Variants in BEND4 observed in about 807,000 individuals in gnomAD.
BEND4 encodes the protein BEN domain containing 4.
In BEND4, 27 loss-of-function variants were observed where a neutral mutation model predicts 54.7. The observed-to-expected ratio is 0.49, with a 90% CI of 0.36 to 0.68. The LOEUF (loss-of-function observed/expected upper bound fraction) is 0.68, where lower values mean the gene tolerates loss of function less well. Among genes scored for constraint, BEND4 ranks in the 30% least tolerant of loss-of-function variants. The probability of loss-of-function intolerance (pLI) is 0.00; values close to 1 mark genes in which losing one functional copy is unlikely to be tolerated. For missense variants in BEND4, 702 were observed against 697.2 expected (o/e 1.01, Z -0.08); for synonymous variants, 327 against 299.5 (o/e 1.09, Z -0.95).
chr4:42,151,999 G>T lies in BEND4; in HGVS notation c.145C>A (p.Leu49Met). 8.0e-7 allele frequency: 1 copy of T among 1,255,288 alleles called. No individual in the cohort carries two copies. The highest frequency in any genetic ancestry group is 3.2e-5 in the East Asian group (1 of 31,666). 77.8% of individuals were successfully genotyped at this position (1,255,288 alleles called of 1,614,324 possible). ...KRYERPTLVE[L>M]PHVRAPPPPP... ...GGCGGGGGCGCCCGCACGTGCGGCA[G>T]CTCCACCAGGGTGGGTCGCTCGTAG... Residue 49 changes from leucine (L) to methionine (M), a missense_variant, in exon 2 of 6, where the codon CTG (leucine) becomes ATG (methionine). Leu to Met is a conservative substitution (Grantham distance 15). Transcript: ENST00000502486.
rs1459099510 is a variant in BEND4 at position 42,114,477 on chromosome 4, G to A, written c.*3041C>T. On this transcript the variant is annotated 3_prime_UTR_variant, in exon 6 of 6. Transcript: ENST00000502486. ...TTAAGTGGGGGCACAGCTGCATCCT[G>A]AGCTGTTTTAACTCAATCTATTTTA... The A allele has an allele frequency of 6.6e-6, 1 of 152,154 alleles. No individual in the cohort carries two copies. The highest frequency in any genetic ancestry group is 1.5e-5 in the Non-Finnish European group (1 of 68,034). 9.4% of individuals were successfully genotyped at this position (152,154 alleles called of 1,614,324 possible). A position where few individuals can be genotyped will look rare whatever the true frequency, so the allele number is the denominator to read the frequency against.
intron 2 of BEND4, among the ~76,000 whole-genome samples, chr4:42,148,905 C>T (rs1385261022): frequency 1.3e-5 from 2 of 152,084 alleles, no homozygotes; most frequent in Non-Finnish European, 2.9e-5. Flanking sequence ...GTGTATTACC[C>T]CTTTTAAGGA....
At chr4:42,124,463 T>C (rs1410165426) in intron 4 of BEND4, among the ~76,000 whole-genome samples, 2 of 152,084 alleles carry the variant, frequency 1.3e-5, no homozygotes, top group Admixed American at 6.6e-5. Context: ...GAAAAACTCA[T>C]GAAGGCGTCA....
At position 42,116,324 on chromosome 4, in the gene BEND4, C is replaced by T. The variant is rs780562543; in HGVS notation, c.*1194G>A. 2.6e-5 allele frequency: 4 copies of T among 152,192 alleles called. No homozygotes were observed. Among genetic ancestry groups the T allele is most frequent in the Non-Finnish European group, 5.9e-5 (4 of 68,048 alleles). 9.4% of individuals were successfully genotyped at this position (152,192 alleles called of 1,614,324 possible). A position where few individuals can be genotyped will look rare whatever the true frequency, so the allele number is the denominator to read the frequency against. On this transcript the variant is annotated 3_prime_UTR_variant, in exon 6 of 6. Coordinates refer to ENST00000502486, the MANE Select transcript of BEND4 (RefSeq NM_207406.4). ...CCCTCAGAAATGATGACTCTAGCAC[C>T]TCTATAGCATTTGCCAATATGGAAA...
chr4:42,119,860 A>C (rs1719991181), intron 5 of BEND4, 194 bp downstream of exon 5: 3 of 622,398 alleles, frequency 4.8e-6, no homozygotes, highest in African/African-American at 1.8e-5. Flanking sequence ...ACTAAGAGAG[A>C]ACAACAACGC....
intron 3 of BEND4, among the ~76,000 whole-genome samples, chr4:42,139,364 C>T (rs917873220): frequency 4.6e-4 from 70 of 152,162 alleles, no homozygotes; most frequent in African/African-American, 1.6e-3. Context: ...AGCTGATCAT[C>T]AAAAGACTGT....
In BEND4 at chr4:42,128,364, C is replaced by G. The variant is rs1166870616; in HGVS notation, c.1055-2690G>C. Among the ~76,000 whole-genome samples the G allele has an allele frequency of 2.0e-5, 3 of 152,206 alleles. No individual in the cohort carries two copies. In the East Asian group the frequency reaches 5.8e-4, roughly 29 times the overall value. On this transcript the variant is annotated intron_variant, in intron 3 of 5. Coordinates refer to ENST00000502486, the MANE Select transcript of BEND4 (RefSeq NM_207406.4). ...CTGGGCCAGGCACAGTGGCTCACGC[C>G]TGTTATCCCAGCACTCTGGGAGCCC...
intron 4 of BEND4, among the ~76,000 whole-genome samples, chr4:42,122,705 A>G (rs1271950079): frequency 2.0e-5 from 3 of 152,352 alleles, no homozygotes; most frequent in Middle Eastern, 3.4e-3. Flanking sequence ...AGCCTTAAAA[A>G]AGACTGTCTA....
rs763550853 is a variant in BEND4, at chr4:42,132,063, A to G, written c.1055-6389T>C. Reference sequence around the variant, plus strand: ...GAAAACGGAGACAGGTGCGTCTAGAAAAGTGGGAGTGAAATTTATGATCCT... The same window carrying G: ...GAAAACGGAGACAGGTGCGTCTAGAGAAGTGGGAGTGAAATTTATGATCCT... On this transcript the variant is annotated intron_variant, in intron 3 of 5. Transcript: ENST00000502486. Among the ~76,000 whole-genome samples, 5 of 152,252 alleles carry G rather than the reference A, an allele frequency of 3.3e-5. No individual in the cohort carries two copies. The East Asian group carries it at 9.6e-4, about 29-fold the overall frequency.
chr4:42,115,300 C>G lies in BEND4; in HGVS notation c.*2218G>C, dbSNP rs540948366. The G allele has an allele frequency of 6.6e-6, 1 of 152,368 alleles. No homozygotes were observed. The highest frequency in any genetic ancestry group is 1.9e-4 in the East Asian group (1 of 5,180). 9.4% of individuals were successfully genotyped at this position (152,368 alleles called of 1,614,324 possible). A position where few individuals can be genotyped will look rare whatever the true frequency, so the allele number is the denominator to read the frequency against. ...CAGGAGGTAACAGTGACAGCCAAAA[C>G]ACAGGCTGCTGCCCCCCGCCCTTGC... On this transcript the variant is annotated 3_prime_UTR_variant, in exon 6 of 6. Transcript: ENST00000502486.
intron 2 of BEND4, among the ~76,000 whole-genome samples, chr4:42,144,541 G>A (rs1270419882): frequency 6.6e-6 from 1 of 152,234 alleles, no homozygotes. Flanking sequence ...AAAACAAAGA[G>A]TAGGCCTATG....
At chr4:42,149,083 T>C (rs1721172547) in intron 2 of BEND4, among the ~76,000 whole-genome samples, 1 of 152,250 alleles carries the variant, frequency 6.6e-6, no homozygotes. Flanking sequence ...TCTTCTGTCC[T>C]TGACTCATTT....
At chr4:42,141,121 T>C (rs1720864209) in intron 3 of BEND4, among the ~76,000 whole-genome samples, 2 of 152,184 alleles carry the variant, frequency 1.3e-5, no homozygotes, top group African/African-American at 4.8e-5. Context: ...CCAGTGTCTG[T>C]CTTGCAGTCG....
rs2153143626 is a variant in BEND4, at chr4:42,112,504, C to T, written c.*5014G>A. ...GAGTCTTACTAGCAAGACATGCTTT[C>T]ACTGTAATTTGAGGATCTGTGATTC... On this transcript the variant is annotated 3_prime_UTR_variant, in exon 6 of 6. Coordinates refer to ENST00000502486, the MANE Select transcript of BEND4 (RefSeq NM_207406.4). 1 of 152,272 alleles carries T rather than the reference C, an allele frequency of 6.6e-6. No homozygotes were observed. The highest frequency in any genetic ancestry group is 2.1e-4 in the South Asian group (1 of 4,830). The allele number at this position is 152,272 out of a possible 1,614,324, so 9.4% of individuals were successfully genotyped here.
In BEND4 at chr4:42,112,381, T is replaced by G. The variant is rs1424276290; in HGVS notation, c.*5137A>C. The stretch of plus-strand genomic sequence containing the variant: ...AGTTACTACTGTTGTTGCAGTTAAG[T>G]GGTTCTGAACGGGCCCAAATAGTTT... On this transcript the variant is annotated 3_prime_UTR_variant, in exon 6 of 6. Transcript: ENST00000502486. 1 of 152,204 alleles carries G rather than the reference T, an allele frequency of 6.6e-6. No homozygotes were observed. The highest frequency in any genetic ancestry group is 1.5e-5 in the Non-Finnish European group (1 of 68,036). 9.4% of individuals were successfully genotyped at this position (152,204 alleles called of 1,614,324 possible).
chr4:42,126,981 T>C (rs1720313298), intron 3 of BEND4, among the ~76,000 whole-genome samples: 1 of 152,264 alleles, frequency 6.6e-6, no homozygotes, highest in African/African-American at 2.4e-5. Context: ...TCTTAAGATG[T>C]TCTTGTCACG....
At position 42,151,727 on chromosome 4, in the gene BEND4, G is replaced by A. The variant is rs772220241; in HGVS notation, c.417C>T (p.Gly139=). ...TGCCGGCGGCCGCCGCCGCGCCTGGGCCATACCTGACGACAGCGGCGAACG... is the reference window on the plus strand; with the variant it reads ...TGCCGGCGGCCGCCGCCGCGCCTGGACCATACCTGACGACAGCGGCGAACG... ...SSSFAAVVRY[G]PGAAAAAGTG... The change falls in exon 2 of 6, where the codon GGC becomes GGT. Residue 139 remains glycine (G), a synonymous_variant. Coordinates refer to ENST00000502486, the MANE Select transcript of BEND4 (RefSeq NM_207406.4). The A allele has an allele frequency of 1.1e-5, 16 of 1,505,350 alleles. No individual in the cohort carries two copies. In the Middle Eastern group the frequency reaches 1.1e-3, roughly 100 times the overall value. The allele number at this position is 1,505,350 out of a possible 1,614,324, so 93.2% of individuals were successfully genotyped here.
intron 3 of BEND4, among the ~76,000 whole-genome samples, chr4:42,127,462 A>G (rs369678391): frequency 2.0e-5 from 3 of 152,234 alleles, no homozygotes; most frequent in Non-Finnish European, 4.4e-5. Flanking sequence ...CAGCTTCTTA[A>G]AAGTCCAACC....
chr4:42,124,392 A>C (rs1407407515), intron 4 of BEND4, among the ~76,000 whole-genome samples: 1 of 152,224 alleles, frequency 6.6e-6, no homozygotes, highest in African/African-American at 2.4e-5. Context: ...ATAACTGATG[A>C]GAAAAGGCAG....
Sources: allele counts gnomAD v4.1 joint callset (sites outside exome capture counted in the v4.1 genomes callset), GRCh38; gene constraint gnomAD v4.1.1; transcripts MANE v1.5; gene names NCBI Gene and HGNC (gene_info 2026-07-23, HGNC 2026-07-21).